Variants in FIRRM observed in about 807,000 individuals in gnomAD.
The protein encoded by FIRRM is FIGNL1 interacting regulator of recombination and mitosis.
chr1:169,804,739 A>C, the FIRRM span, among the ~76,000 whole-genome samples: 8 of 152,148 alleles, frequency 5.3e-5, no homozygotes, highest in African/African-American at 1.9e-4. Flanking sequence ...GCTGGAGTGC[A>C]GTGGCACAAT....
the FIRRM span, chr1:169,851,976 C>G: frequency 6.8e-6 from 11 of 1,613,550 alleles, no homozygotes; most frequent in Non-Finnish European, 9.3e-6. Context: ...TTTAACAAGG[C>G]AAATTCTGCC....
At chr1:169,794,374 G>A in the FIRRM span, among the ~76,000 whole-genome samples, 3 of 152,106 alleles carry the variant, frequency 2.0e-5, no homozygotes, top group South Asian at 4.2e-4. Flanking sequence ...ATTCATCCAA[G>A]ACTTCACTCC....
At chr1:169,853,877 A>C in the FIRRM span, 1 of 1,259,468 alleles carries the variant, frequency 7.9e-7, no homozygotes, top group African/African-American at 1.5e-5. Context: ...TTTTGATGCC[A>C]GAAACACTAC....
chr1:169,800,192 C>A, the FIRRM span, among the ~76,000 whole-genome samples: 1 of 152,118 alleles, frequency 6.6e-6, no homozygotes, highest in Non-Finnish European at 1.5e-5. Context: ...TGCTACCATG[C>A]GTGGCTAATT....
the FIRRM span, among the ~76,000 whole-genome samples, chr1:169,807,000 TC>T: frequency 6.6e-6 from 1 of 152,208 alleles, no homozygotes; most frequent in East Asian, 1.9e-4. Context: ...CTTACCCTCT[TC>T]CAGTTCATTT....
At chr1:169,808,836 T>C in the FIRRM span, among the ~76,000 whole-genome samples, 4 of 152,100 alleles carry the variant, frequency 2.6e-5, no homozygotes, top group Admixed American at 2.6e-4. Flanking sequence ...TGACCTCAGG[T>C]GGTCCACCCG....
At chr1:169,792,673 T>C in the FIRRM span, 3 of 1,613,044 alleles carry the variant, frequency 1.9e-6, no homozygotes, top group South Asian at 2.2e-5. Context: ...CTCTTTCTTC[T>C]ACAAACTTCT....
the FIRRM span, among the ~76,000 whole-genome samples, chr1:169,825,463 TA>T: frequency 6.6e-6 from 1 of 152,232 alleles, no homozygotes; most frequent in Non-Finnish European, 1.5e-5. Flanking sequence ...TTTATTACTG[TA>T]TCACCCACTC....
chr1:169,828,164 C>G, the FIRRM span, among the ~76,000 whole-genome samples: 3 of 152,152 alleles, frequency 2.0e-5, no homozygotes, highest in Non-Finnish European at 4.4e-5. Flanking sequence ...GAACACTAGA[C>G]ACTGTAAGGT....
chr1:169,852,386 A>G, the FIRRM span: 1 of 274,554 alleles, frequency 3.6e-6, no homozygotes, highest in East Asian at 1.0e-4. Flanking sequence ...TGTTTTGAGC[A>G]CTATTAGTAT....
At chr1:169,795,448 C>A in the FIRRM span, 4,062 of 1,343,580 alleles carry the variant, frequency 3.0e-3, 100 homozygotes, top group African/African-American at 0.051. Context: ...TGTTCTGACC[C>A]AAGGTTTTAG....
chr1:169,820,451 A>T, the FIRRM span, among the ~76,000 whole-genome samples: 1 of 152,192 alleles, frequency 6.6e-6, no homozygotes, highest in Non-Finnish European at 1.5e-5. Flanking sequence ...GTGCAAGGCC[A>T]AGTAATCCAA....
the FIRRM span, among the ~76,000 whole-genome samples, chr1:169,805,844 A>G: frequency 6.6e-6 from 1 of 152,230 alleles, no homozygotes; most frequent in African/African-American, 2.4e-5. Context: ...TGACACTTAA[A>G]TAGTTTAAAT....
chr1:169,851,913 G>A, the FIRRM span: 1 of 1,614,044 alleles, frequency 6.2e-7, no homozygotes, highest in Non-Finnish European at 8.5e-7. Context: ...GACTGTAGAA[G>A]AAGCAAAGAG....
At chr1:169,800,996 C>T in the FIRRM span, 1 of 1,230,168 alleles carries the variant, frequency 8.1e-7, no homozygotes, top group Non-Finnish European at 1.2e-6. Flanking sequence ...CCTGAAAATA[C>T]ATGTTATAAG....
At chr1:169,851,283 C>A in the FIRRM span, 3 of 152,550 alleles carry the variant, frequency 2.0e-5, no homozygotes, top group African/African-American at 4.9e-5. Flanking sequence ...TAATGATGCA[C>A]GTTATATATT....
At chr1:169,792,903 A>G in the FIRRM span, 1 of 1,614,162 alleles carries the variant, frequency 6.2e-7, no homozygotes, top group African/African-American at 1.3e-5. Flanking sequence ...CCAGAAAAAA[A>G]TCGGCATTTA....
chr1:169,801,047 GCTCT>G, the FIRRM span: 3 of 726,328 alleles, frequency 4.1e-6, no homozygotes, highest in Non-Finnish European at 6.9e-6. Flanking sequence ...ATTAATTATG[GCTCT>G]CTTTTTCTAA....
the FIRRM span, among the ~76,000 whole-genome samples, chr1:169,835,979 A>C: frequency 1.3e-5 from 2 of 152,072 alleles, no homozygotes. Flanking sequence ...TTGACTGGTA[A>C]ATATTTTCCA....
Sources: gnomAD v4.1 joint callset for allele counts (sites outside exome capture counted in the v4.1 genomes callset) on GRCh38, gnomAD v4.1.1 for gene constraint, MANE v1.5 for transcripts, NCBI Gene and HGNC (gene_info 2026-07-23, HGNC 2026-07-21) for gene names.